TARBP1: variants seen among roughly 807,000 people sequenced by gnomAD.
TARBP1 encodes tRNA guanosine 2 -O-methyltransferase TARBP1, also known as tRNA (guanosine(18)-2'-O)-methyltransferase TARBP1.
In TARBP1, 144 loss-of-function variants were observed where a neutral mutation model predicts 178.6. The ratio of observed to expected loss-of-function variants is 0.81; its 90% CI spans 0.70 to 0.93. The LOEUF (loss-of-function observed/expected upper bound fraction) is 0.93. Among genes scored for constraint, TARBP1 ranks in the 40% least tolerant of loss-of-function variants. The probability of loss-of-function intolerance (pLI) is 0.00; values close to 1 mark genes in which losing one functional copy is unlikely to be tolerated. For synonymous variants in TARBP1, 787 were observed against 781.0 expected, an observed-to-expected ratio of 1.01 and a Z score of -0.13; for missense variants, 2,067 against 2,011.7, an observed-to-expected ratio of 1.03 and a Z score of -0.53.
chr1:234,395,772 G>A lies in TARBP1; in HGVS notation c.4244-1935C>T, dbSNP rs551116781. Among the ~76,000 whole-genome samples, 29 of 152,298 alleles carry A rather than the reference G, an allele frequency of 1.9e-4. 1 individual carries two copies. In the South Asian group the frequency reaches 5.8e-3, roughly 30 times the overall value. ...GAAGAGTGAGAAGAAGACTGGGCCC[G>A]TGAAAACCTTCAGTGGCAGGAGGAG... On this transcript the variant is annotated intron_variant, in intron 26 of 29. Transcript: ENST00000040877.
Position 234,479,017 on chromosome 1 carries a change from G to C in TARBP1, c.87C>G (p.Ser29=). The C allele has an allele frequency of 2.0e-6, 3 of 1,522,514 alleles. No homozygotes were observed. The highest frequency in any genetic ancestry group is 2.6e-6 in the Non-Finnish European group (3 of 1,147,486). 94.3% of individuals were successfully genotyped at this position (1,522,514 alleles called of 1,614,324 possible). A position where few individuals can be genotyped will look rare whatever the true frequency, so the allele number is the denominator to read the frequency against. The change falls in exon 1 of 30, where the codon TCC becomes TCG. Residue 29 remains serine (S), a synonymous_variant. Transcript: ENST00000040877. ...LLGALCQGEA[S]AERVETLRFL... ...AGCGCAGCGTCTCCACGCGCTCCGC[G>C]GATGCCTCCCCTTGGCACAGCGCCC...
intron 7 of TARBP1, 81 bp from the exon 8 acceptor site, chr1:234,459,407 A>G (rs1438147809): frequency 4.6e-6 from 5 of 1,082,902 alleles, no homozygotes; most frequent in Non-Finnish European, 6.8e-6. Flanking sequence ...AAGTTGATTT[A>G]TAACAACTAC....
chr1:234,471,530 C>T (rs1481597302), intron 2 of TARBP1, among the ~76,000 whole-genome samples: 1 of 152,212 alleles, frequency 6.6e-6, no homozygotes, highest in African/African-American at 2.4e-5. Flanking sequence ...CCTCAACTGT[C>T]CTGGCAGGCA....
intron 14 of TARBP1, among the ~76,000 whole-genome samples, chr1:234,432,135 CAAAAAAA>C (rs72281584): frequency 9.9e-4 from 93 of 94,354 alleles, no homozygotes; most frequent in African/African-American, 3.3e-3. Context: ...ACTCCGTCTC[CAAAAAAA>C]AAAAAAAAAA....
intron 23 of TARBP1, chr1:234,407,885 A>G (rs1360944408): frequency 6.6e-6 from 1 of 152,026 alleles, no homozygotes; most frequent in Non-Finnish European, 1.5e-5. Flanking sequence ...AGAATCAGCT[A>G]TTTCTCCAGC....
intron 12 of TARBP1, among the ~76,000 whole-genome samples, chr1:234,444,825 A>G (rs1665984216): frequency 6.6e-6 from 1 of 152,026 alleles, no homozygotes; most frequent in African/African-American, 2.4e-5. Context: ...TGGATTCCAT[A>G]CACTCTCACC....
At chr1:234,427,796 C>A in intron 17 of TARBP1, 30 bp from the exon 18 acceptor site, 1 of 1,384,588 alleles carries the variant, frequency 7.2e-7, no homozygotes, top group Non-Finnish European at 9.4e-7. Flanking sequence ...TCATTTTATC[C>A]TTGATTTAGT....
Position 234,404,407 on chromosome 1 carries a change from T to C in TARBP1, c.3989+1496A>G, listed in dbSNP as rs116094080. ...TATGATTAGCAGCAACTTTGGTAGCTTGAGTTTGGATTACTGCATGATAAT... is the reference window on the plus strand; with the variant it reads ...TATGATTAGCAGCAACTTTGGTAGCCTGAGTTTGGATTACTGCATGATAAT... On this transcript the variant is annotated intron_variant, in intron 24 of 29. Coordinates refer to ENST00000040877, the MANE Select transcript of TARBP1 (RefSeq NM_005646.4). Among the ~76,000 whole-genome samples, 1,313 of 152,352 alleles carry C rather than the reference T, an allele frequency of 8.6e-3. 20 individuals are homozygous for C. The highest frequency in any genetic ancestry group is 0.029 in the African/African-American group (1,225 of 41,582).
At position 234,405,792 on chromosome 1, in the gene TARBP1, C is replaced by T. The variant is rs536628402; in HGVS notation, c.3989+111G>A. ...AGTCCAAGCCCTCGATGCTCCAGGA[C>T]GGCAGCATGAGGATGTGGAAGGAGA... is the stretch of plus-strand genomic sequence containing the variant. On this transcript the variant is annotated intron_variant, in intron 24 of 29. Coordinates refer to ENST00000040877, the MANE Select transcript of TARBP1 (RefSeq NM_005646.4). 2.8e-5 allele frequency: 29 copies of T among 1,032,466 alleles called. No individual in the cohort carries two copies. The East Asian group carries it at 3.2e-4, about 11-fold the overall frequency. The allele number at this position is 1,032,466 out of a possible 1,614,324, so 64.0% of individuals were successfully genotyped here.
At chr1:234,459,618 C>T (rs1413251214) in intron 7 of TARBP1, among the ~76,000 whole-genome samples, 2 of 152,080 alleles carry the variant, frequency 1.3e-5, no homozygotes, top group Non-Finnish European at 2.9e-5. Flanking sequence ...TTGAGACCAG[C>T]CTGGCCAACA....
intron 1 of TARBP1, among the ~76,000 whole-genome samples, chr1:234,473,429 C>T (rs975639804): frequency 2.6e-5 from 4 of 152,184 alleles, no homozygotes; most frequent in South Asian, 2.1e-4. Flanking sequence ...TAAAATAGTG[C>T]GTCTCTGAAT....
rs1011347383 is a variant in TARBP1, at chr1:234,421,203, C to T, written c.3445-391G>A. On this transcript the variant is annotated intron_variant, in intron 20 of 29. Coordinates refer to ENST00000040877, the MANE Select transcript of TARBP1 (RefSeq NM_005646.4). ...TCCCGGGTTCTAGCAATTCTCCTGC[C>T]TCAGCCTCCCGAGTAGCTGGGACTA... Among the ~76,000 whole-genome samples, 5 of 152,238 alleles carry T rather than the reference C, an allele frequency of 3.3e-5. No individual in the cohort carries two copies. The East Asian group carries it at 7.7e-4, about 24-fold the overall frequency.
intron 22 of TARBP1, among the ~76,000 whole-genome samples, chr1:234,414,324 T>C (rs2103076178): frequency 6.6e-6 from 1 of 152,202 alleles, no homozygotes; most frequent in Admixed American, 6.5e-5. Context: ...CAAATACTAA[T>C]GAGTAAGTCA....
intron 12 of TARBP1, among the ~76,000 whole-genome samples, chr1:234,438,765 G>T (rs557561825): frequency 6.6e-6 from 1 of 151,908 alleles, no homozygotes; most frequent in Non-Finnish European, 1.5e-5. Flanking sequence ...TCTGATAAAG[G>T]GTATAAACCT....
At chr1:234,454,950 T>A (rs529731858) in intron 9 of TARBP1, among the ~76,000 whole-genome samples, 29 of 152,070 alleles carry the variant, frequency 1.9e-4, no homozygotes, top group Non-Finnish European at 3.8e-4. Flanking sequence ...AGAGGCAGAT[T>A]TGGCCACAGA....
intron 12 of TARBP1, among the ~76,000 whole-genome samples, chr1:234,442,140 A>G (rs1235270779): frequency 6.6e-6 from 1 of 152,206 alleles, no homozygotes; most frequent in African/African-American, 2.4e-5. Context: ...AAAGTAAAAT[A>G]ATAAACGAAG....
intron 6 of TARBP1, among the ~76,000 whole-genome samples, chr1:234,460,925 A>C (rs955133151): frequency 6.6e-5 from 10 of 152,268 alleles, no homozygotes; most frequent in Non-Finnish European, 1.5e-4. Flanking sequence ...CTAGTGAAAG[A>C]AGCCAGACAC....
intron 23 of TARBP1, 172 bp from the exon 24 acceptor site, chr1:234,406,271 G>A: frequency 3.3e-6 from 2 of 604,056 alleles, no homozygotes; most frequent in Non-Finnish European, 5.8e-6. Flanking sequence ...GCGGTGCACA[G>A]GCATTTGCAA....
intron 11 of TARBP1, 96 bp from the exon 12 acceptor site, chr1:234,447,071 T>TC (rs1158086542): frequency 5.0e-5 from 65 of 1,307,056 alleles, no homozygotes; most frequent in Admixed American, 9.0e-5. Context: ...AGCTAATGGA[T>TC]CCAATTAGAC....
Sources: allele counts gnomAD v4.1 joint callset (sites outside exome capture counted in the v4.1 genomes callset), GRCh38; gene constraint gnomAD v4.1.1; transcripts MANE v1.5; gene names NCBI Gene and HGNC (gene_info 2026-07-23, HGNC 2026-07-21).